The following SCUBE1 variants were observed in gnomAD, a reference collection of about 807,000 sequenced individuals.
SCUBE1 encodes signal peptide, CUB and EGF-like domain-containing protein 1.
A neutral mutation model predicts 124.4 loss-of-function variants in SCUBE1; 59 were observed. The ratio of observed to expected loss-of-function variants is 0.47; its 90% CI spans 0.38 to 0.59. SCUBE1 has a LOEUF of 0.59. SCUBE1 is among the 20% of genes least tolerant of loss of function. SCUBE1 has a pLI of 0.00. For missense variants in SCUBE1, 1,150 were observed against 1,371.2 expected (o/e 0.84, Z 2.55); for synonymous variants, 545 against 550.9 (o/e 0.99, Z 0.15).
At chr22:43,214,290 T>G (rs1601799775) in intron 15 of SCUBE1, 39 bp from the exon 16 acceptor site, 3 of 1,591,634 alleles carry the variant, frequency 1.9e-6, no homozygotes, top group Non-Finnish European at 2.6e-6. Flanking sequence ...GAGGCAGAGG[T>G]GGGGAGGCCA....
In SCUBE1 at chr22:43,203,005, C is replaced by A. The variant is rs1006920901; in HGVS notation, c.*992G>T. On this transcript the variant is annotated 3_prime_UTR_variant, in exon 22 of 22. Transcript: ENST00000360835. Reference sequence around the variant, plus strand: ...CGCCGTTTATTGCTGGGCCCCTGCACCTCCTGGGAACGGGTCCGAGGGGAA... The same window carrying A: ...CGCCGTTTATTGCTGGGCCCCTGCAACTCCTGGGAACGGGTCCGAGGGGAA... 1 of 152,400 alleles carries A rather than the reference C, an allele frequency of 6.6e-6. No individual in the cohort carries two copies. The highest frequency in any genetic ancestry group is 1.5e-5 in the Non-Finnish European group (1 of 68,188). 9.4% of individuals were successfully genotyped at this position (152,400 alleles called of 1,614,324 possible). A position where few individuals can be genotyped will look rare whatever the true frequency, so the allele number is the denominator to read the frequency against.
At chr22:43,228,334 C>T (rs112878395) in intron 9 of SCUBE1, among the ~76,000 whole-genome samples, 9 of 152,316 alleles carry the variant, frequency 5.9e-5, no homozygotes, top group African/African-American at 1.2e-4. Context: ...CACCCTGCCC[C>T]GGCTCCAGCA....
chr22:43,319,558 C>CAAAAAAAACAA (rs1926470254), intron 3 of SCUBE1, among the ~76,000 whole-genome samples: 1 of 55,214 alleles, frequency 1.8e-5, no homozygotes, highest in African/African-American at 8.3e-5. Flanking sequence ...GACTCCATCT[C>CAAAAAAAACAA]AAAAAAAAAA....
At chr22:43,262,428 G>A (rs530823882) in intron 5 of SCUBE1, among the ~76,000 whole-genome samples, 12 of 152,228 alleles carry the variant, frequency 7.9e-5, no homozygotes, top group African/African-American at 2.4e-4. Context: ...TCTGTGCCAC[G>A]GCCCCACCAT....
intron 3 of SCUBE1, among the ~76,000 whole-genome samples, chr22:43,306,053 G>T (rs140921845): frequency 0.011 from 1,710 of 152,250 alleles, 34 homozygotes; most frequent in African/African-American, 0.04. Flanking sequence ...TGGGGGAGGA[G>T]GGTCACTGCA....
chr22:43,250,262 C>A (rs1034753383), intron 6 of SCUBE1, among the ~76,000 whole-genome samples: 1 of 152,206 alleles, frequency 6.6e-6, no homozygotes, highest in Non-Finnish European at 1.5e-5. Flanking sequence ...CCCTGTCTCC[C>A]GGGAGATGCC....
At chr22:43,219,736 G>T (rs1922007626) in intron 14 of SCUBE1, among the ~76,000 whole-genome samples, 1 of 152,012 alleles carries the variant, frequency 6.6e-6, no homozygotes, top group South Asian at 2.1e-4. Flanking sequence ...GGCCCTCCCA[G>T]ACTGCTGGGA....
intron 2 of SCUBE1, among the ~76,000 whole-genome samples, chr22:43,336,135 T>G (rs1468830104): frequency 6.6e-6 from 1 of 152,200 alleles, no homozygotes; most frequent in Non-Finnish European, 1.5e-5. Context: ...TGTGCCTCAC[T>G]CAATCTTCAG....
intron 3 of SCUBE1, among the ~76,000 whole-genome samples, chr22:43,304,457 C>A (rs1466153722): frequency 1.3e-5 from 2 of 152,086 alleles, no homozygotes; most frequent in African/African-American, 4.8e-5. Flanking sequence ...GGGTCAGAGC[C>A]CTGCAGGACA....
At chr22:43,205,450 T>C (rs13058724) in intron 21 of SCUBE1, among the ~76,000 whole-genome samples, 5,968 of 151,926 alleles carry the variant, frequency 0.039, 143 homozygotes, top group South Asian at 0.057. Flanking sequence ...AGGGAAGGTG[T>C]TCAGCAAATG....
chr22:43,341,710 C>T (rs1409274069), intron 1 of SCUBE1, among the ~76,000 whole-genome samples: 1 of 152,168 alleles, frequency 6.6e-6, no homozygotes, highest in African/African-American at 2.4e-5. Context: ...TGCCATGCTC[C>T]CGCTCCTGTC....
At position 43,223,177 on chromosome 22, in the gene SCUBE1, C is replaced by CCG; in HGVS notation, c.1246_1247insCG (p.Arg416ProfsTer36). ...TGCCTTGCTGCAGGACAGCTGGGCC[C>CCG]GGGGGGAGGTCTTGGCGCGAGAAAG... On this transcript the variant is annotated frameshift_variant, in exon 11 of 22. Coordinates refer to ENST00000360835, the MANE Select transcript of SCUBE1 (RefSeq NM_173050.5). LOFTEE classifies it high-confidence loss of function. 1 of 1,569,628 alleles carries CCG rather than the reference C, an allele frequency of 6.4e-7. No homozygotes were observed. The highest frequency in any genetic ancestry group is 8.6e-7 in the Non-Finnish European group (1 of 1,166,662).
intron 7 of SCUBE1, among the ~76,000 whole-genome samples, chr22:43,237,304 G>GGAGA (rs1316326742): frequency 6.6e-6 from 1 of 152,226 alleles, no homozygotes; most frequent in East Asian, 1.9e-4. Flanking sequence ...GCCCCTTTCT[G>GGAGA]GCCCAGACAG....
intron 20 of SCUBE1, 54 bp from the exon 21 acceptor site, chr22:43,207,667 G>A: frequency 7.2e-7 from 1 of 1,391,028 alleles, no homozygotes. Flanking sequence ...AGGCCCACGT[G>A]CTCCCCTTTC....
At chr22:43,334,757 T>C (rs957182470) in intron 2 of SCUBE1, among the ~76,000 whole-genome samples, 6 of 152,238 alleles carry the variant, frequency 3.9e-5, no homozygotes, top group Admixed American at 1.3e-4. Context: ...TAAGGGCAGC[T>C]AGTGCTTATA....
At chr22:43,325,018 A>G (rs78731803) in intron 2 of SCUBE1, among the ~76,000 whole-genome samples, 1,771 of 150,602 alleles carry the variant, frequency 0.012, 34 homozygotes, top group African/African-American at 0.042. Flanking sequence ...GGACACAGAC[A>G]TACAGGGAGA....
Position 43,255,453 on chromosome 22 carries a change from C to A in SCUBE1, c.727+2766G>T. ...ACATGTGCACACACACACACAAGTG[C>A]AAGTACGACAAAGGAAGTGGAAGAA... On this transcript the variant is annotated intron_variant, in intron 6 of 21. Transcript: ENST00000360835. The surrounding 1 kb of genome is among the most constrained non-coding windows in gnomAD (Gnocchi z 4.7). The A allele has an allele frequency of 6.6e-7, 1 of 1,522,160 alleles. No homozygotes were observed. Among genetic ancestry groups the A allele is most frequent in the Non-Finnish European group, 8.9e-7 (1 of 1,121,238 alleles). The allele number at this position is 1,522,160 out of a possible 1,614,324, so 94.3% of individuals were successfully genotyped here. A position where few individuals can be genotyped will look rare whatever the true frequency, so the allele number is the denominator to read the frequency against.
At chr22:43,293,492 G>T (rs117692638) in intron 3 of SCUBE1, among the ~76,000 whole-genome samples, 1 of 152,212 alleles carries the variant, frequency 6.6e-6, no homozygotes, top group African/African-American at 2.4e-5. Context: ...GCGAAGAGCC[G>T]GCTGCTCCTC....
chr22:43,343,295 G>A lies in SCUBE1; in HGVS notation c.-34C>T. 2 of 1,037,312 alleles carry A rather than the reference G, an allele frequency of 1.9e-6. No individual in the cohort carries two copies. The highest frequency in any genetic ancestry group is 1.2e-6 in the Non-Finnish European group (1 of 853,834). 64.3% of individuals were successfully genotyped at this position (1,037,312 alleles called of 1,614,324 possible). On this transcript the variant is annotated 5_prime_UTR_variant, in exon 1 of 22. Coordinates refer to ENST00000360835, the MANE Select transcript of SCUBE1 (RefSeq NM_173050.5). ...CGGGCCCCGCTGGGCGTGCGGGCGT[G>A]CGGGGCGCGGGGACCCGACCGACCG...
Sources: allele counts gnomAD v4.1 joint callset (sites outside exome capture counted in the v4.1 genomes callset), GRCh38; gene constraint gnomAD v4.1.1; non-coding constraint Gnocchi (gnomAD v3.1); transcripts MANE v1.5; gene names NCBI Gene and HGNC (gene_info 2026-07-23, HGNC 2026-07-21).